ADAMTSL1: variants seen among roughly 807,000 people sequenced by gnomAD.
ADAMTSL1 encodes ADAMTS like 1.
In ADAMTSL1, 126 loss-of-function variants were observed where a neutral mutation model predicts 201.8. The ratio of observed to expected loss-of-function variants is 0.62; its 90% CI spans 0.54 to 0.72. The LOEUF (loss-of-function observed/expected upper bound fraction) is 0.72. Among genes scored for constraint, ADAMTSL1 ranks in the 30% least tolerant of loss-of-function variants. The probability of loss-of-function intolerance (pLI) is 0.00; values close to 1 mark genes in which losing one functional copy is unlikely to be tolerated. For missense variants in ADAMTSL1, 2,679 were observed against 2,277.8 expected (o/e 1.18, Z -3.59); for synonymous variants, 1,121 against 903.4 (o/e 1.24, Z -4.32).
At chr9:17,930,228 C>CCTGGCTTGA (rs1409309274) in intron 1 of ADAMTSL1, among the ~76,000 whole-genome samples, 1 of 152,038 alleles carries the variant, frequency 6.6e-6, no homozygotes, top group Non-Finnish European at 1.5e-5. Flanking sequence ...GAGTCATCCA[C>CCTGGCTTGA]CTGGTTTGAC....
chr9:18,116,586 ATGAGTCAT>A (rs1432179787), intron 1 of ADAMTSL1, among the ~76,000 whole-genome samples: 1 of 152,156 alleles, frequency 6.6e-6, no homozygotes, highest in Non-Finnish European at 1.5e-5. Flanking sequence ...TAGTTCTCCA[ATGAGTCAT>A]GTGGCTAAAT....
chr9:18,235,437 A>G (rs1456890994), intron 2 of ADAMTSL1, among the ~76,000 whole-genome samples: 1 of 152,012 alleles, frequency 6.6e-6, no homozygotes, highest in Non-Finnish European at 1.5e-5. Context: ...AGGCTTCTCC[A>G]CTCTAATGTT....
At chr9:18,323,922 T>C (rs1834725718) in intron 2 of ADAMTSL1, among the ~76,000 whole-genome samples, 1 of 152,184 alleles carries the variant, frequency 6.6e-6, no homozygotes, top group Non-Finnish European at 1.5e-5. Flanking sequence ...ACTTATAGAT[T>C]CAGTGCAATC....
intron 1 of ADAMTSL1, among the ~76,000 whole-genome samples, chr9:17,925,747 C>G (rs930849232): frequency 6.8e-6 from 1 of 146,222 alleles, no homozygotes; most frequent in African/African-American, 2.5e-5. Context: ...GGAGATATAC[C>G]TAATGCTAGA....
chr9:18,210,642 G>C (rs933412413), intron 2 of ADAMTSL1, among the ~76,000 whole-genome samples: 1 of 151,492 alleles, frequency 6.6e-6, no homozygotes, highest in African/African-American at 2.4e-5. Context: ...TTGCATTTCT[G>C]TGGATAAGAA....
intron 1 of ADAMTSL1, among the ~76,000 whole-genome samples, chr9:17,912,926 C>T (rs1366287279): frequency 6.6e-6 from 1 of 152,080 alleles, no homozygotes; most frequent in Non-Finnish European, 1.5e-5. Flanking sequence ...TTCCCAGCAC[C>T]ATTTATTAAG....
At chr9:18,468,341 G>A (rs755822544) in intron 2 of ADAMTSL1, among the ~76,000 whole-genome samples, 36 of 151,934 alleles carry the variant, frequency 2.4e-4, no homozygotes, top group Non-Finnish European at 4.3e-4. Flanking sequence ...GTTTTGTTTT[G>A]GGGACAAGTA....
At position 18,655,806 on chromosome 9, in the gene ADAMTSL1, T is replaced by TAAAA. The variant is rs56662538; in HGVS notation, c.835-1805_835-1802dup. ...AGAGAGCTAGAGGCTTTTGTGAGCT[T>TAAAA]AAAAAAAAAAAAAAAAAAAAAAAAA... On this transcript the variant is annotated intron_variant, in intron 7 of 28. Transcript: ENST00000380548. Among the ~76,000 whole-genome samples the TAAAA allele has an allele frequency of 2.5e-3, 202 of 81,838 alleles. 2 individuals carry two copies. Among genetic ancestry groups the TAAAA allele is most frequent in the South Asian group, 7.8e-3 (14 of 1,788 alleles). 53.7% of individuals were successfully genotyped at this position (81,838 alleles called of 152,430 possible). A position where few individuals can be genotyped will look rare whatever the true frequency, so the allele number is the denominator to read the frequency against.
chr9:18,774,692 T>C (rs1394912201), intron 17 of ADAMTSL1, among the ~76,000 whole-genome samples: 2 of 152,238 alleles, frequency 1.3e-5, no homozygotes, highest in Admixed American at 6.5e-5. Flanking sequence ...AAGGTTTATC[T>C]GTGTTGTAGC....
intron 5 of ADAMTSL1, among the ~76,000 whole-genome samples, chr9:18,627,506 A>G (rs565091804): frequency 6.6e-6 from 1 of 152,326 alleles, no homozygotes; most frequent in East Asian, 1.9e-4. Context: ...TCACTGGGCT[A>G]AAAACAAGGT....
chr9:17,980,771 G>T (rs1228292427), intron 1 of ADAMTSL1, among the ~76,000 whole-genome samples: 1 of 152,138 alleles, frequency 6.6e-6, no homozygotes, highest in East Asian at 1.9e-4. Flanking sequence ...CTTGAGGCTG[G>T]TATATAAAGA....
chr9:18,266,388 C>T (rs143363631), intron 2 of ADAMTSL1, among the ~76,000 whole-genome samples: 1 of 152,134 alleles, frequency 6.6e-6, no homozygotes, highest in South Asian at 2.1e-4. Flanking sequence ...CTGAGTCAGT[C>T]GGCCAAGAGA....
chr9:18,273,699 A>C (rs1832475156), intron 2 of ADAMTSL1, among the ~76,000 whole-genome samples: 1 of 152,164 alleles, frequency 6.6e-6, no homozygotes, highest in South Asian at 2.1e-4. Flanking sequence ...CTAAAAGCCA[A>C]ATTCAGATTC....
chr9:18,278,800 T>G (rs184941235), intron 2 of ADAMTSL1, among the ~76,000 whole-genome samples: 206 of 152,294 alleles, frequency 1.4e-3, no homozygotes, highest in African/African-American at 4.2e-3. Flanking sequence ...AATTTTGACT[T>G]GCTTAGTGGT....
chr9:17,931,637 T>A (rs1260202886), intron 1 of ADAMTSL1, among the ~76,000 whole-genome samples: 1 of 152,164 alleles, frequency 6.6e-6, no homozygotes, highest in African/African-American at 2.4e-5. Context: ...AGGTGCAGTC[T>A]CAGATCAGTG....
chr9:18,318,461 G>A (rs1273523540), intron 2 of ADAMTSL1, among the ~76,000 whole-genome samples: 1 of 152,182 alleles, frequency 6.6e-6, no homozygotes, highest in African/African-American at 2.4e-5. Flanking sequence ...AGTAATCTAC[G>A]TTTCAGCAAG....
chr9:18,831,028 T>C (rs1052849469), intron 23 of ADAMTSL1, among the ~76,000 whole-genome samples: 3 of 152,216 alleles, frequency 2.0e-5, no homozygotes, highest in African/African-American at 7.2e-5. Flanking sequence ...TGATGACTTA[T>C]CAACATGGCC....
At chr9:18,553,339 A>G (rs1820908195) in intron 3 of ADAMTSL1, among the ~76,000 whole-genome samples, 1 of 151,252 alleles carries the variant, frequency 6.6e-6, no homozygotes, top group Admixed American at 6.6e-5. Flanking sequence ...AATAGTATTT[A>G]TCCCCACCTA....
At chr9:18,439,487 C>G (rs1267162646) in intron 2 of ADAMTSL1, among the ~76,000 whole-genome samples, 3 of 152,166 alleles carry the variant, frequency 2.0e-5, no homozygotes, top group African/African-American at 7.2e-5. Flanking sequence ...CTGCCTCAGC[C>G]TCCCGAGTAG....
Sources: gnomAD v4.1 joint callset for allele counts (sites outside exome capture counted in the v4.1 genomes callset) on GRCh38, gnomAD v4.1.1 for gene constraint, MANE v1.5 for transcripts, NCBI Gene and HGNC (gene_info 2026-07-23, HGNC 2026-07-21) for gene names.